Variants in LINGO2 observed in about 807,000 individuals in gnomAD.
The protein encoded by LINGO2 is leucine-rich repeat and immunoglobulin-like domain-containing nogo receptor-interacting protein 2.
A neutral mutation model predicts 30.6 loss-of-function variants in LINGO2; 14 were observed. The ratio of observed to expected loss-of-function variants is 0.46; its 90% CI spans 0.30 to 0.72. The LOEUF (loss-of-function observed/expected upper bound fraction) is 0.72, where lower values mean the gene tolerates loss of function less well. Ranked by LOEUF, LINGO2 falls within the 30% of genes least tolerant of loss-of-function variation. The pLI, the probability that LINGO2 is intolerant of heterozygous loss-of-function variation, is 0.07. For synonymous variants in LINGO2, 317 were observed against 288.5 expected (o/e 1.10, Z -1.00); for missense variants, 729 against 751.7 (o/e 0.97, Z 0.35).
chr9:28,771,494 TGTGTGTGTGTGTGAGA>T, the LINGO2 span, among the ~76,000 whole-genome samples: 80 of 124,194 alleles, frequency 6.4e-4, 1 homozygote, highest in African/African-American at 1.2e-3. Flanking sequence ...TGTGTGTGTG[TGTGTGTGTGTGTGAGA>T]GAGAGAGAGA....
At chr9:28,359,290 G>C (rs1219425455) in intron 3 of LINGO2, among the ~76,000 whole-genome samples, 2 of 152,074 alleles carry the variant, frequency 1.3e-5, no homozygotes, top group African/African-American at 4.8e-5. Context: ...GATGCAGACA[G>C]TGAATAGAAT....
At chr9:29,146,953 T>C in the LINGO2 span, among the ~76,000 whole-genome samples, 2 of 152,168 alleles carry the variant, frequency 1.3e-5, no homozygotes, top group Non-Finnish European at 2.9e-5. Context: ...GATTTCAAAT[T>C]ATAATCTGCA....
intron 1 of LINGO2, among the ~76,000 whole-genome samples, chr9:28,642,659 G>A (rs899786467): frequency 2.0e-5 from 3 of 152,012 alleles, no homozygotes; most frequent in Non-Finnish European, 4.4e-5. Flanking sequence ...TGTGGAATGG[G>A]AAACTTAGAC....
the LINGO2 span, among the ~76,000 whole-genome samples, chr9:29,061,475 TA>T: frequency 7.3e-5 from 11 of 150,814 alleles, no homozygotes; most frequent in African/African-American, 2.2e-4. Context: ...ATGCTGGTAT[TA>T]AAAAAAAATA....
At position 28,205,646 on chromosome 9, in the gene LINGO2, G is replaced by C. The variant is rs371408263; in HGVS notation, c.-87+89562C>G. ...AAAAGAGAAACAAAGAAGAAAACAT[G>C]GCAGTATTTATCCAGATCTGACCAG... On this transcript the variant is annotated intron_variant, in intron 4 of 5. Coordinates refer to ENST00000379992, the Ensembl canonical transcript of LINGO2. Among the ~76,000 whole-genome samples the C allele has an allele frequency of 3.3e-5, 5 of 152,198 alleles. No individual in the cohort carries two copies. In the East Asian group the frequency reaches 9.7e-4, roughly 29 times the overall value.
At chr9:28,430,422 T>C (rs756233709) in intron 2 of LINGO2, among the ~76,000 whole-genome samples, 3 of 152,182 alleles carry the variant, frequency 2.0e-5, no homozygotes, top group Non-Finnish European at 4.4e-5. Context: ...GTACTTATAA[T>C]TGACAAAATA....
the LINGO2 span, among the ~76,000 whole-genome samples, chr9:28,684,103 A>G: frequency 1.3e-5 from 2 of 149,942 alleles, no homozygotes; most frequent in Non-Finnish European, 3.0e-5. Context: ...TGTACCCAGT[A>G]ATTTTATTTC....
chr9:28,049,374 A>G (rs1413111798), intron 4 of LINGO2, among the ~76,000 whole-genome samples: 2 of 150,834 alleles, frequency 1.3e-5, no homozygotes, highest in African/African-American at 4.9e-5. Context: ...AGAACCCCCA[A>G]GGTGGTATCA....
chr9:28,157,294 T>G (rs928866191), intron 4 of LINGO2, among the ~76,000 whole-genome samples: 1 of 152,208 alleles, frequency 6.6e-6, no homozygotes, highest in African/African-American at 2.4e-5. Context: ...TGCCAAGGCT[T>G]GGGGCTTCCA....
At chr9:28,810,157 C>T in the LINGO2 span, among the ~76,000 whole-genome samples, 1 of 152,060 alleles carries the variant, frequency 6.6e-6, no homozygotes, top group Middle Eastern at 3.4e-3. Flanking sequence ...AAAAGTTAAG[C>T]TGCTTAGGTC....
At chr9:28,767,429 T>A in the LINGO2 span, among the ~76,000 whole-genome samples, 1 of 152,114 alleles carries the variant, frequency 6.6e-6, no homozygotes, top group African/African-American at 2.4e-5. Flanking sequence ...TGAATCATTT[T>A]CTGCTTTTTA....
At chr9:29,188,838 C>CA in the LINGO2 span, among the ~76,000 whole-genome samples, 20,985 of 137,570 alleles carry the variant, frequency 0.15, 2,178 homozygotes, top group East Asian at 0.37. Flanking sequence ...GGCTGACCCC[C>CA]CCGCCACCTT....
chr9:28,542,259 G>C (rs1474805502), intron 1 of LINGO2, among the ~76,000 whole-genome samples: 1 of 151,368 alleles, frequency 6.6e-6, no homozygotes, highest in African/African-American at 2.4e-5. Flanking sequence ...TCCTCTATAG[G>C]TAAGGTAGAT....
chr9:28,832,371 C>G, the LINGO2 span, among the ~76,000 whole-genome samples: 1 of 152,146 alleles, frequency 6.6e-6, no homozygotes, highest in Non-Finnish European at 1.5e-5. Context: ...ACGTGTGCAA[C>G]TTATGTTTCT....
the LINGO2 span, among the ~76,000 whole-genome samples, chr9:28,996,358 C>T: frequency 6.6e-6 from 1 of 152,004 alleles, no homozygotes; most frequent in Non-Finnish European, 1.5e-5. Flanking sequence ...TGTTGAACTA[C>T]GTAACTAGAT....
chr9:28,954,797 T>C, the LINGO2 span, among the ~76,000 whole-genome samples: 1 of 152,134 alleles, frequency 6.6e-6, no homozygotes, highest in Non-Finnish European at 1.5e-5. Context: ...GGAACTTGAG[T>C]ATAAACAATC....
chr9:28,981,127 G>A, the LINGO2 span, among the ~76,000 whole-genome samples: 68 of 152,010 alleles, frequency 4.5e-4, 4 homozygotes, highest in Non-Finnish European at 4.4e-5. Flanking sequence ...GAGATGAAGT[G>A]GCTAGCTTCT....
chr9:29,080,348 T>C, the LINGO2 span, among the ~76,000 whole-genome samples: 1 of 152,130 alleles, frequency 6.6e-6, no homozygotes, highest in Non-Finnish European at 1.5e-5. Context: ...TCTTTATTAG[T>C]CTTGCTAGCG....
chr9:28,997,593 G>T, the LINGO2 span, among the ~76,000 whole-genome samples: 1 of 152,142 alleles, frequency 6.6e-6, no homozygotes, highest in Non-Finnish European at 1.5e-5. Context: ...GGAGGCCAAG[G>T]CTGGCGGATC....
Sources: allele counts gnomAD v4.1 joint callset (sites outside exome capture counted in the v4.1 genomes callset), GRCh38; gene constraint gnomAD v4.1.1; transcripts MANE v1.5; gene names NCBI Gene and HGNC (gene_info 2026-07-23, HGNC 2026-07-21).